ANKRD42: variants seen among roughly 807,000 people sequenced by gnomAD.
ANKRD42 encodes the protein ankyrin repeat domain-containing protein 42.
In ANKRD42, 43 loss-of-function variants were observed where a neutral mutation model predicts 51.5. The observed-to-expected ratio is 0.83, with a 90% CI of 0.65 to 1.08. ANKRD42 has a LOEUF of 1.08. Among genes scored for constraint, ANKRD42 ranks in the 50% least tolerant of loss-of-function variants. The probability of loss-of-function intolerance (pLI) is 0.00; values close to 1 mark genes in which losing one functional copy is unlikely to be tolerated. For missense variants in ANKRD42, 608 were observed against 629.3 expected (o/e 0.97, Z 0.36); for synonymous variants, 203 against 213.0 (o/e 0.95, Z 0.41).
intron 3 of ANKRD42, chr11:83,209,569 T>C (rs1862225314): frequency 1.0e-6 from 1 of 953,546 alleles, no homozygotes; most frequent in Non-Finnish European, 1.7e-6. Context: ...GGGTCTATTA[T>C]ATGATCCATG....
chr11:83,258,270 T>TAATA (rs1295616768), downstream of ANKRD42, among the ~76,000 whole-genome samples: 1 of 152,198 alleles, frequency 6.6e-6, no homozygotes, highest in Non-Finnish European at 1.5e-5. Flanking sequence ...ATTAAAATTA[T>TAATA]AATACAATTC....
Position 83,248,523 on chromosome 11 carries a change from A to G in ANKRD42, c.*319A>G, listed in dbSNP as rs1377475949. ...ATATTTTAATATTCTAAATAACCAA[A>G]ATAAAGTGCTTTGAATGGAATCCAT... On this transcript the variant is annotated 3_prime_UTR_variant, in exon 11 of 11. Transcript: ENST00000533342. 7 of 1,017,876 alleles carry G rather than the reference A, an allele frequency of 6.9e-6. No homozygotes were observed. The highest frequency in any genetic ancestry group is 5.8e-5 in the Admixed American group (1 of 17,358). 63.1% of individuals were successfully genotyped at this position (1,017,876 alleles called of 1,614,324 possible).
intron 3 of ANKRD42, among the ~76,000 whole-genome samples, chr11:83,209,246 C>T (rs1413945983): frequency 6.6e-6 from 1 of 152,138 alleles, no homozygotes; most frequent in Non-Finnish European, 1.5e-5. Flanking sequence ...ATTATATATA[C>T]ATGCTCAAAT....
At chr11:83,233,930 G>T (rs1194032575) in intron 7 of ANKRD42, among the ~76,000 whole-genome samples, 1 of 152,194 alleles carries the variant, frequency 6.6e-6, no homozygotes, top group Non-Finnish European at 1.5e-5. Context: ...TGATCCACCC[G>T]CTTTGGCCTC....
At chr11:83,240,136 G>A (rs952357541) in intron 8 of ANKRD42, among the ~76,000 whole-genome samples, 16 of 152,236 alleles carry the variant, frequency 1.1e-4, no homozygotes, top group African/African-American at 3.4e-4. Context: ...GCAAAATTGC[G>A]GAAAATATGC....
chr11:83,251,582 G>C (rs1293499778), downstream of ANKRD42, among the ~76,000 whole-genome samples: 2 of 152,114 alleles, frequency 1.3e-5, no homozygotes, highest in East Asian at 3.8e-4. Flanking sequence ...CTAGCCCCAA[G>C]TCTATGCTTT....
intron 10 of ANKRD42, among the ~76,000 whole-genome samples, chr11:83,247,557 C>G (rs2135559551): frequency 6.6e-6 from 1 of 152,268 alleles, no homozygotes; most frequent in Admixed American, 6.5e-5. Context: ...TCAATAAAGC[C>G]TTCCCTAGCC....
At chr11:83,249,981 CCTTT>C (rs1265550661), downstream of ANKRD42, among the ~76,000 whole-genome samples, 6 of 152,186 alleles carry the variant, frequency 3.9e-5, no homozygotes, top group African/African-American at 7.2e-5. Flanking sequence ...TTATTTACTC[CCTTT>C]CTTTTTTTCC....
At chr11:83,255,895 AAAG>A in exon 12 of ANKRD42, 12 of 1,535,000 alleles carry the variant, frequency 7.8e-6, no homozygotes, top group Non-Finnish European at 1.0e-5. Flanking sequence ...GAGTAAAAAA[AAAG>A]GTTTCTTCTG....
intron 7 of ANKRD42, among the ~76,000 whole-genome samples, chr11:83,234,456 A>G (rs1370254740): frequency 6.6e-6 from 1 of 152,188 alleles, no homozygotes; most frequent in Non-Finnish European, 1.5e-5. Flanking sequence ...AAAATTTCTA[A>G]CAACTATATA....
intron 1 of ANKRD42, among the ~76,000 whole-genome samples, chr11:83,195,596 C>T (rs1861615507): frequency 6.6e-6 from 1 of 152,148 alleles, no homozygotes; most frequent in Admixed American, 6.5e-5. Flanking sequence ...CCTCTCTGTC[C>T]TTCAGTGTTT....
At chr11:83,264,094 ATG>A (rs1286997266), downstream of ANKRD42, among the ~76,000 whole-genome samples, 1 of 152,174 alleles carries the variant, frequency 6.6e-6, no homozygotes, top group Non-Finnish European at 1.5e-5. Context: ...CCACCAAGAT[ATG>A]TGTGTGTGTA....
intron 5 of ANKRD42, 45 bp from the exon 6 acceptor site, chr11:83,224,809 AT>A (rs1862824206): frequency 1.4e-6 from 2 of 1,439,594 alleles, no homozygotes; most frequent in Admixed American, 2.4e-5. Context: ...ATACATAAAA[AT>A]TTTAAAAAAT....
At chr11:83,238,233 T>C (rs902869541) in intron 8 of ANKRD42, among the ~76,000 whole-genome samples, 1 of 152,232 alleles carries the variant, frequency 6.6e-6, no homozygotes, top group African/African-American at 2.4e-5. Context: ...GTATCATTTT[T>C]TGGTGGTTAT....
At chr11:83,261,882 C>T (rs374190990), downstream of ANKRD42, 101 of 1,549,508 alleles carry the variant, frequency 6.5e-5, no homozygotes, top group Non-Finnish European at 4.0e-5. Flanking sequence ...TCTAAGAAGC[C>T]AACAGCCACA....
downstream of ANKRD42, among the ~76,000 whole-genome samples, chr11:83,258,407 C>G (rs1863809285): frequency 6.6e-6 from 1 of 151,738 alleles, no homozygotes; most frequent in African/African-American, 2.4e-5. Context: ...AGTAGATTGT[C>G]CATCTCATGA....
intron 6 of ANKRD42, among the ~76,000 whole-genome samples, chr11:83,227,142 CTTTA>C (rs1023381473): frequency 3.3e-5 from 5 of 152,018 alleles, no homozygotes; most frequent in East Asian, 1.9e-4. Context: ...ACAAGTGTGT[CTTTA>C]TTTATTTATT....
At chr11:83,247,860 C>A in intron 10 of ANKRD42, 83 bp from the exon 11 acceptor site, 1 of 1,162,484 alleles carries the variant, frequency 8.6e-7, no homozygotes, top group Non-Finnish European at 1.2e-6. Flanking sequence ...GCCTTAAATA[C>A]AATGTATGAA....
chr11:83,210,480 A>G, intron 4 of ANKRD42, 61 bp downstream of exon 4: 1 of 1,575,288 alleles, frequency 6.3e-7, no homozygotes. Flanking sequence ...AGCATTTGGT[A>G]GTCTAGTTAT....
Sources: gnomAD v4.1 joint callset for allele counts (sites outside exome capture counted in the v4.1 genomes callset) on GRCh38, gnomAD v4.1.1 for gene constraint, MANE v1.5 for transcripts, NCBI Gene and HGNC (gene_info 2026-07-23, HGNC 2026-07-21) for gene names.